The following CTTNBP2NL variants were observed in gnomAD, a reference collection of about 807,000 sequenced individuals.
CTTNBP2NL encodes the protein CTTNBP2 N-terminal-like protein.
In CTTNBP2NL, 16 loss-of-function variants were observed where a neutral mutation model predicts 32.5. The ratio of observed to expected loss-of-function variants is 0.49; its 90% confidence interval spans 0.33 to 0.75. CTTNBP2NL has a LOEUF of 0.75. Among genes scored for constraint, CTTNBP2NL ranks in the 30% least tolerant of loss-of-function variants. The pLI is 0.02. For synonymous variants in CTTNBP2NL, 298 were observed against 289.4 expected, an observed-to-expected ratio of 1.03 and a Z score of -0.30; for missense variants, 645 against 756.0, an observed-to-expected ratio of 0.85 and a Z score of 1.72.
intron 1 of CTTNBP2NL, among the ~76,000 whole-genome samples, chr1:112,407,889 G>C (rs1398809858): frequency 7.9e-6 from 1 of 126,848 alleles, no homozygotes; most frequent in East Asian, 2.6e-4. Flanking sequence ...GTATTGCCCG[G>C]GCTGGAGTGC....
intron 3 of CTTNBP2NL, among the ~76,000 whole-genome samples, chr1:112,446,516 A>G (rs1335709727): frequency 5.3e-5 from 8 of 152,230 alleles, no homozygotes; most frequent in Admixed American, 5.2e-4. Context: ...CTTTTAAAAT[A>G]CAACTAGCTT....
intron 1 of CTTNBP2NL, among the ~76,000 whole-genome samples, chr1:112,410,578 G>A (rs1207463701): frequency 1.3e-5 from 2 of 152,284 alleles, no homozygotes; most frequent in South Asian, 2.1e-4. Context: ...GTATGATAAT[G>A]TATCCAGATA....
chr1:112,449,024 T>G lies in CTTNBP2NL; in HGVS notation c.182T>G (p.Phe61Cys), dbSNP rs1650138144. 6.2e-7 allele frequency: 1 copy of G among 1,612,792 alleles called. No homozygotes were observed. The highest frequency in any genetic ancestry group is 1.7e-5 in the Admixed American group (1 of 60,006). ...CCTTTAATGGCTCTACAGAGAGATT[T>G]TGAAACACTGAAGGAGAAAAATGAT... ...SDPLMALQRDFETLKEKNDGE... is the reference protein window; with the variant it reads ...SDPLMALQRDCETLKEKNDGE... The change falls in exon 4 of 6, where the codon TTT (phenylalanine) becomes TGT (cysteine). Residue 61 changes from phenylalanine (F) to cysteine (C), a missense_variant. Phe to Cys is a radical substitution (Grantham distance 205). Transcript: ENST00000271277.
chr1:112,457,152 A>G lies in CTTNBP2NL; in HGVS notation c.1660A>G (p.Lys554Glu). Residue 554 changes from lysine (K) to glutamate (E), a missense_variant, in exon 6 of 6, where the codon AAA becomes GAA. Transcript: ENST00000271277. ...GDTSHSPTPG[K>E]VSSPLSPLSP... ...CACAAGCCATTCACCTACTCCAGGG[A>G]AAGTGTCCAGTCCCCTGAGCCCCCT... The G allele has an allele frequency of 6.2e-7, 1 of 1,614,166 alleles. No individual in the cohort carries two copies. The highest frequency in any genetic ancestry group is 8.5e-7 in the Non-Finnish European group (1 of 1,180,028).
chr1:112,413,117 A>G (rs1194603192), intron 2 of CTTNBP2NL, among the ~76,000 whole-genome samples: 2 of 152,234 alleles, frequency 1.3e-5, no homozygotes, highest in East Asian at 1.9e-4. Flanking sequence ...ATAAGGATGT[A>G]TATTTATCAT....
intron 3 of CTTNBP2NL, among the ~76,000 whole-genome samples, chr1:112,417,135 GTTTTCTC>G (rs1649090986): frequency 6.6e-6 from 1 of 152,076 alleles, no homozygotes; most frequent in Non-Finnish European, 1.5e-5. Context: ...GGATGACCTC[GTTTTCTC>G]TTTTATAGTT....
chr1:112,441,918 C>T (rs1257556083), intron 3 of CTTNBP2NL, among the ~76,000 whole-genome samples: 6 of 151,964 alleles, frequency 3.9e-5, no homozygotes, highest in African/African-American at 7.2e-5. Flanking sequence ...CAGAAATGTA[C>T]GGTCTCCCGA....
At chr1:112,447,517 A>G (rs1248932748) in intron 3 of CTTNBP2NL, among the ~76,000 whole-genome samples, 2 of 152,184 alleles carry the variant, frequency 1.3e-5, no homozygotes, top group African/African-American at 4.8e-5. Flanking sequence ...CAGAATTTCT[A>G]ACTGCTTTGA....
intron 3 of CTTNBP2NL, among the ~76,000 whole-genome samples, chr1:112,422,388 A>G (rs1232360531): frequency 2.0e-5 from 3 of 152,188 alleles, no homozygotes; most frequent in Non-Finnish European, 4.4e-5. Flanking sequence ...TTATCCACTT[A>G]TCTGTTGATA....
At position 112,458,386 on chromosome 1, in the gene CTTNBP2NL, C is replaced by T. The variant is rs1650444154; in HGVS notation, c.*974C>T. On this transcript the variant is annotated 3_prime_UTR_variant, in exon 6 of 6. Coordinates refer to ENST00000271277, the MANE Select transcript of CTTNBP2NL (RefSeq NM_018704.3). The stretch of plus-strand genomic sequence containing the variant: ...CACTTATTCTCCAAGCTGCCAGAAC[C>T]TGGTATCTGTATCTGTAAAACCAAA... 1 of 152,568 alleles carries T rather than the reference C, an allele frequency of 6.6e-6. No individual in the cohort carries two copies. The highest frequency in any genetic ancestry group is 2.4e-5 in the African/African-American group (1 of 41,420). The allele number at this position is 152,568 out of a possible 1,614,324, so 9.5% of individuals were successfully genotyped here. A position where few individuals can be genotyped will look rare whatever the true frequency, so the allele number is the denominator to read the frequency against.
intron 1 of CTTNBP2NL, among the ~76,000 whole-genome samples, chr1:112,409,127 CA>C (rs36002206): frequency 0.016 from 1,252 of 80,224 alleles, 18 homozygotes; most frequent in African/African-American, 0.055. Flanking sequence ...GACTCTGTCT[CA>C]AAAAAAAAAA....
intron 1 of CTTNBP2NL, among the ~76,000 whole-genome samples, chr1:112,410,723 C>G (rs913161237): frequency 2.6e-5 from 4 of 152,094 alleles, no homozygotes; most frequent in Non-Finnish European, 5.9e-5. Context: ...TCTTGCTCTT[C>G]GGAGTTACTG....
At chr1:112,425,476 A>T (rs760861839) in intron 3 of CTTNBP2NL, among the ~76,000 whole-genome samples, 8 of 152,146 alleles carry the variant, frequency 5.3e-5, no homozygotes, top group Non-Finnish European at 1.2e-4. Flanking sequence ...ATCCCCATCA[A>T]AAAAAGAAAT....
rs1248352647 is a variant in CTTNBP2NL, at chr1:112,456,053, G to A, written c.561G>A (p.Lys187=). 7 of 1,614,180 alleles carry A rather than the reference G, an allele frequency of 4.3e-6. No homozygotes were observed. Among genetic ancestry groups the A allele is most frequent in the Middle Eastern group, 3.3e-4 (2 of 6,062 alleles). Residue 187 remains lysine (K), a synonymous_variant, in exon 6 of 6, where the codon AAG becomes AAA. Coordinates refer to ENST00000271277, the MANE Select transcript of CTTNBP2NL (RefSeq NM_018704.3). ...QLSSMLVLEC[K]KATNKAAEEG... ...CATCCATGCTAGTGCTTGAGTGCAA[G>A]AAAGCCACCAACAAGGCAGCCGAGG...
At position 112,446,382 on chromosome 1, in the gene CTTNBP2NL, A is replaced by G. The variant is rs140009842; in HGVS notation, c.100-2560A>G. On this transcript the variant is annotated intron_variant, in intron 3 of 5. Coordinates refer to ENST00000271277, the MANE Select transcript of CTTNBP2NL (RefSeq NM_018704.3). ...CCCTGTCTCAAACAAAAAAGAAAAA[A>G]GAAAAAAAAAATTTGATACTTTCAG... Among the ~76,000 whole-genome samples, 1,257 of 152,236 alleles carry G rather than the reference A, an allele frequency of 8.3e-3. 18 individuals are homozygous for G. Among genetic ancestry groups the G allele is most frequent in the African/African-American group, 0.028 (1,182 of 41,544 alleles).
At chr1:112,411,123 G>A (rs539350312) in intron 1 of CTTNBP2NL, among the ~76,000 whole-genome samples, 5 of 152,276 alleles carry the variant, frequency 3.3e-5, no homozygotes, top group African/African-American at 1.2e-4. Flanking sequence ...ATTCTTGACT[G>A]TATAACAAAT....
chr1:112,436,760 C>T (rs995901759), intron 3 of CTTNBP2NL, among the ~76,000 whole-genome samples: 4 of 151,986 alleles, frequency 2.6e-5, no homozygotes, highest in Admixed American at 2.6e-4. Context: ...TATTTCATCA[C>T]CCCTAGTACC....
At chr1:112,436,788 G>A (rs750119236) in intron 3 of CTTNBP2NL, among the ~76,000 whole-genome samples, 9 of 151,898 alleles carry the variant, frequency 5.9e-5, no homozygotes, top group Non-Finnish European at 5.9e-5. Context: ...TATTTTTTCT[G>A]GTCTTCTCCC....
intron 3 of CTTNBP2NL, among the ~76,000 whole-genome samples, chr1:112,447,549 C>A (rs1025506535): frequency 1.3e-5 from 2 of 151,914 alleles, no homozygotes; most frequent in Non-Finnish European, 2.9e-5. Context: ...CTGATAAGAA[C>A]GTAAAATTTT....
Sources: allele counts gnomAD v4.1 joint callset (sites outside exome capture counted in the v4.1 genomes callset), GRCh38; gene constraint gnomAD v4.1.1; transcripts MANE v1.5; gene names NCBI Gene and HGNC (gene_info 2026-07-23, HGNC 2026-07-21).